SLC44A5: variants seen among roughly 807,000 people sequenced by gnomAD.
SLC44A5 encodes the protein choline transporter-like protein 5.
A neutral mutation model predicts 101.8 loss-of-function variants in SLC44A5; 57 were observed. The ratio of observed to expected loss-of-function variants is 0.56; its 90% CI spans 0.45 to 0.70. SLC44A5 has a LOEUF of 0.70. Ranked by LOEUF, SLC44A5 falls within the 30% of genes least tolerant of loss-of-function variation. The pLI is 0.00. For missense variants in SLC44A5, 737 were observed against 853.1 expected, an observed-to-expected ratio of 0.86 and a Z score of 1.70; for synonymous variants, 281 against 290.9, an observed-to-expected ratio of 0.97 and a Z score of 0.35.
chr1:75,465,507 T>C (rs1666764681), intron 2 of SLC44A5, among the ~76,000 whole-genome samples: 1 of 151,720 alleles, frequency 6.6e-6, no homozygotes, highest in Non-Finnish European at 1.5e-5. Context: ...AAACCAAAAT[T>C]AGTAGACGAA....
At chr1:75,508,599 T>C (rs1016231948) in intron 2 of SLC44A5, among the ~76,000 whole-genome samples, 3 of 151,762 alleles carry the variant, frequency 2.0e-5, no homozygotes, top group African/African-American at 4.8e-5. Flanking sequence ...GATAGACTGG[T>C]AACTAGATGA....
chr1:75,410,033 T>A (rs1663172871), intron 2 of SLC44A5, among the ~76,000 whole-genome samples: 1 of 152,182 alleles, frequency 6.6e-6, no homozygotes, highest in Non-Finnish European at 1.5e-5. Flanking sequence ...TAACCTATTC[T>A]TATTCCAATA....
At chr1:75,507,127 ATTC>A (rs1448505305) in intron 2 of SLC44A5, among the ~76,000 whole-genome samples, 1 of 151,806 alleles carries the variant, frequency 6.6e-6, no homozygotes, top group African/African-American at 2.4e-5. Context: ...GATAGTTCCT[ATTC>A]TTAAAGAGGA....
intron 2 of SLC44A5, among the ~76,000 whole-genome samples, chr1:75,469,197 G>A (rs559298316): frequency 2.6e-4 from 40 of 152,226 alleles, no homozygotes; most frequent in African/African-American, 7.7e-4. Flanking sequence ...TTTTAACCAA[G>A]TCTTTGAAGG....
chr1:75,610,705 G>A (rs6703265), intron 1 of SLC44A5, among the ~76,000 whole-genome samples: 44,394 of 151,776 alleles, frequency 0.29, 7,617 homozygotes, highest in East Asian at 0.81. Flanking sequence ...ATCTCAGCCC[G>A]AAATATTGTC....
intron 4 of SLC44A5, among the ~76,000 whole-genome samples, chr1:75,328,582 C>A (rs114038909): frequency 1.5e-3 from 234 of 152,296 alleles, no homozygotes; most frequent in African/African-American, 5.5e-3. Context: ...TGTTCTATGG[C>A]AACTACGACT....
At chr1:75,237,099 T>G (rs937386433) in intron 10 of SLC44A5, 29 bp from the exon 11 acceptor site, 1 of 1,333,582 alleles carries the variant, frequency 7.5e-7, no homozygotes, top group African/African-American at 1.4e-5. Flanking sequence ...AAAAATCAAT[T>G]ATTTTTTGAT....
intron 2 of SLC44A5, among the ~76,000 whole-genome samples, chr1:75,477,419 A>C (rs150128645): frequency 0.021 from 3,206 of 152,298 alleles, 123 homozygotes; most frequent in African/African-American, 0.073. Flanking sequence ...GACTTTGACG[A>C]GTTGAGAGAA....
At chr1:75,433,638 T>C (rs773066221) in intron 2 of SLC44A5, among the ~76,000 whole-genome samples, 2 of 152,136 alleles carry the variant, frequency 1.3e-5, no homozygotes, top group Non-Finnish European at 2.9e-5. Flanking sequence ...TCTTTCTTCA[T>C]CTCTTAGATC....
intron 6 of SLC44A5, among the ~76,000 whole-genome samples, chr1:75,273,472 C>T (rs1013110351): frequency 2.0e-5 from 3 of 152,054 alleles, no homozygotes; most frequent in African/African-American, 7.2e-5. Context: ...AGGGGGAATG[C>T]TTTCAACTTT....
At chr1:75,691,595 G>A in the SLC44A5 span, among the ~76,000 whole-genome samples, 2 of 152,178 alleles carry the variant, frequency 1.3e-5, no homozygotes, top group Non-Finnish European at 2.9e-5. Flanking sequence ...TATGGTCTCA[G>A]ATAAAATATG....
chr1:75,324,957 A>T (rs982605492), intron 4 of SLC44A5, among the ~76,000 whole-genome samples: 2 of 152,222 alleles, frequency 1.3e-5, no homozygotes, highest in African/African-American at 2.4e-5. Flanking sequence ...TCAAGCAAAT[A>T]TTTAGTGAGC....
the SLC44A5 span, among the ~76,000 whole-genome samples, chr1:75,644,308 T>G: frequency 6.6e-6 from 1 of 151,988 alleles, no homozygotes; most frequent in Non-Finnish European, 1.5e-5. Flanking sequence ...TATGTATATT[T>G]AAAAATATAC....
At chr1:75,476,965 A>G (rs1667452123) in intron 2 of SLC44A5, among the ~76,000 whole-genome samples, 2 of 152,112 alleles carry the variant, frequency 1.3e-5, no homozygotes, top group Non-Finnish European at 2.9e-5. Flanking sequence ...TGGGTCCCTG[A>G]CCCCTGACCC....
intron 2 of SLC44A5, among the ~76,000 whole-genome samples, chr1:75,510,551 G>A (rs553179458): frequency 1.4e-4 from 21 of 152,190 alleles, no homozygotes; most frequent in South Asian, 4.1e-4. Context: ...TATGAATATC[G>A]CATTCCTGAT....
chr1:75,626,891 A>C, the SLC44A5 span, among the ~76,000 whole-genome samples: 10 of 152,032 alleles, frequency 6.6e-5, no homozygotes, highest in African/African-American at 2.4e-4. Flanking sequence ...TGTCATGTAA[A>C]GTTCTCCGCT....
intron 18 of SLC44A5, 22 bp downstream of exon 18, chr1:75,217,844 G>T: frequency 6.8e-7 from 1 of 1,462,912 alleles, no homozygotes; most frequent in Non-Finnish European, 9.6e-7. Context: ...CTTCACAAAA[G>T]TCAGGACATC....
chr1:75,356,718 C>T (rs1489617265), intron 3 of SLC44A5, among the ~76,000 whole-genome samples: 2 of 152,100 alleles, frequency 1.3e-5, no homozygotes, highest in Non-Finnish European at 2.9e-5. Context: ...AAAGCAACTT[C>T]CAGGAAGTCT....
rs1433055692 is a variant in SLC44A5 at position 75,248,886 on chromosome 1, T to A, written c.345+2324A>T. ...ATTGAGAATGTTTATACAGGAGTGA[T>A]TTCACTGAGAGACTGTGGAATCTAA... On this transcript the variant is annotated intron_variant, in intron 7 of 23. Transcript: ENST00000370859. 6.6e-5 allele frequency among the ~76,000 whole-genome samples: 10 copies of A among 152,066 alleles called. 1 individual carries two copies. Among genetic ancestry groups the A allele is most frequent in the Non-Finnish European group, 1.5e-5 (1 of 68,002 alleles).
Sources: allele counts gnomAD v4.1 joint callset (sites outside exome capture counted in the v4.1 genomes callset), GRCh38; gene constraint gnomAD v4.1.1; transcripts MANE v1.5; gene names NCBI Gene and HGNC (gene_info 2026-07-23, HGNC 2026-07-21).